Variants in NTRK2 observed in about 807,000 individuals in gnomAD.
NTRK2 encodes neurotrophic receptor tyrosine kinase 2, also known as BDNF/NT-3 growth factors receptor.
Under a neutral mutation model 94.5 loss-of-function variants are expected in NTRK2, and 13 were observed. The observed-to-expected ratio is 0.14, with a 90% CI of 0.09 to 0.22. NTRK2 has a LOEUF of 0.22. NTRK2 is among the 10% of genes least tolerant of loss of function. The probability of loss-of-function intolerance (pLI) is 1.00; values close to 1 mark genes in which losing one functional copy is unlikely to be tolerated. For synonymous variants in NTRK2, 372 were observed against 407.4 expected, an observed-to-expected ratio of 0.91 and a Z score of 1.05; for missense variants, 639 against 1,071.2, an observed-to-expected ratio of 0.60 and a Z score of 5.63.
intron 14 of NTRK2, among the ~76,000 whole-genome samples, chr9:84,891,071 C>T (rs1219135008): frequency 6.6e-6 from 1 of 152,114 alleles, no homozygotes; most frequent in Non-Finnish European, 1.5e-5. Context: ...TTTACTTCAC[C>T]GTGTGCTGTC....
chr9:84,706,514 ATTTTTTGTTTTTGTTT>A (rs906679317), intron 4 of NTRK2, among the ~76,000 whole-genome samples: 5 of 68,546 alleles, frequency 7.3e-5, no homozygotes, highest in African/African-American at 2.7e-4. Context: ...CATGTGTGTT[ATTTTTTGTTTTTGTTT>A]TTTTTTTTTT....
chr9:84,956,409 C>T (rs376540732), intron 17 of NTRK2, among the ~76,000 whole-genome samples: 68 of 152,232 alleles, frequency 4.5e-4, no homozygotes, highest in African/African-American at 1.3e-3. Context: ...TTTTGGAACT[C>T]GGACATGAGA....
chr9:84,694,621 G>A (rs1355938532), intron 2 of NTRK2, among the ~76,000 whole-genome samples: 2 of 152,136 alleles, frequency 1.3e-5, no homozygotes, highest in African/African-American at 4.8e-5. Flanking sequence ...AAACTGGCTA[G>A]CTGTGAACCC....
At chr9:84,906,360 A>G (rs1472712694) in intron 14 of NTRK2, among the ~76,000 whole-genome samples, 1 of 152,226 alleles carries the variant, frequency 6.6e-6, no homozygotes, top group Admixed American at 6.5e-5. Context: ...CAGAGAGGTC[A>G]GAGAAGGTGG....
At chr9:84,908,876 A>G (rs1172792884) in intron 14 of NTRK2, among the ~76,000 whole-genome samples, 1 of 152,332 alleles carries the variant, frequency 6.6e-6, no homozygotes. Context: ...TCTGCTTTGA[A>G]GGAATTGTAG....
At chr9:84,744,270 C>A (rs780758399) in intron 10 of NTRK2, among the ~76,000 whole-genome samples, 16 of 152,158 alleles carry the variant, frequency 1.1e-4, no homozygotes, top group Non-Finnish European at 1.8e-4. Flanking sequence ...ACTGCATTTG[C>A]GACTTGGTGA....
At chr9:84,980,370 A>G (rs767928584) in intron 17 of NTRK2, among the ~76,000 whole-genome samples, 6 of 152,170 alleles carry the variant, frequency 3.9e-5, no homozygotes, top group Non-Finnish European at 7.3e-5. Flanking sequence ...TTACTTACTT[A>G]GGATAAGTTC....
At chr9:84,813,257 G>T in intron 12 of NTRK2, 3 of 1,040,682 alleles carry the variant, frequency 2.9e-6, no homozygotes, top group Non-Finnish European at 2.3e-6. Flanking sequence ...GTCCCCAGCC[G>T]CAGCCAACTG....
intron 12 of NTRK2, among the ~76,000 whole-genome samples, chr9:84,768,921 G>C (rs139196843): frequency 2.0e-5 from 3 of 152,114 alleles, no homozygotes; most frequent in African/African-American, 7.2e-5. Flanking sequence ...CATCCCCTGC[G>C]GGACAGTAGA....
chr9:84,809,436 T>C (rs1453582556), intron 12 of NTRK2, among the ~76,000 whole-genome samples: 1 of 148,592 alleles, frequency 6.7e-6, no homozygotes, highest in Non-Finnish European at 1.5e-5. Context: ...ACATATACTA[T>C]ATGTCTTATA....
At position 84,735,131 on chromosome 9, in the gene NTRK2, T is replaced by C. The variant is rs75865339; in HGVS notation, c.1160-6761T>C. Among the ~76,000 whole-genome samples the C allele has an allele frequency of 9.7e-3, 1,470 of 152,194 alleles. 20 individuals carry two copies. The highest frequency in any genetic ancestry group is 0.034 in the African/African-American group (1,397 of 41,516). Reference sequence around the variant, plus strand: ...TCATTTTTTTGCTGAGTGCAGTGGATCCCTTGAGGCTGGGAGTTCCAGGCC... The same window carrying C: ...TCATTTTTTTGCTGAGTGCAGTGGACCCCTTGAGGCTGGGAGTTCCAGGCC... On this transcript the variant is annotated intron_variant, in intron 9 of 18. Transcript: ENST00000277120.
At chr9:84,756,504 C>T (rs1252562568) in intron 12 of NTRK2, among the ~76,000 whole-genome samples, 6 of 152,312 alleles carry the variant, frequency 3.9e-5, no homozygotes, top group African/African-American at 1.4e-4. Flanking sequence ...GGGAGCTTGG[C>T]ATTCATCACC....
intron 17 of NTRK2, among the ~76,000 whole-genome samples, chr9:84,997,351 G>A (rs1829874690): frequency 6.6e-6 from 1 of 152,084 alleles, no homozygotes; most frequent in South Asian, 2.1e-4. Flanking sequence ...GCCCAGAAAT[G>A]AGGAGTCTTA....
At chr9:84,936,577 A>C (rs1263418835) in intron 15 of NTRK2, among the ~76,000 whole-genome samples, 6 of 152,222 alleles carry the variant, frequency 3.9e-5, no homozygotes, top group Non-Finnish European at 7.3e-5. Flanking sequence ...CCTAGGGCCT[A>C]GTCTTCACAT....
intron 15 of NTRK2, among the ~76,000 whole-genome samples, chr9:84,946,013 G>A (rs2078588459): frequency 6.6e-6 from 1 of 152,200 alleles, no homozygotes; most frequent in South Asian, 2.1e-4. Context: ...GGTCAGGCAT[G>A]TCCCCACAGG....
intron 12 of NTRK2, among the ~76,000 whole-genome samples, chr9:84,780,754 A>T (rs1403942551): frequency 2.6e-5 from 4 of 152,224 alleles, no homozygotes; most frequent in African/African-American, 9.6e-5. Flanking sequence ...ACTGGTCCAT[A>T]GTTCCTACTT....
At chr9:84,765,603 T>C (rs2065953376) in intron 12 of NTRK2, among the ~76,000 whole-genome samples, 1 of 152,192 alleles carries the variant, frequency 6.6e-6, no homozygotes, top group African/African-American at 2.4e-5. Flanking sequence ...TGTTTTCTGC[T>C]GTGAAACTAA....
At chr9:84,946,201 CT>C (rs1265150254) in intron 15 of NTRK2, among the ~76,000 whole-genome samples, 2 of 152,320 alleles carry the variant, frequency 1.3e-5, no homozygotes, top group Admixed American at 1.3e-4. Context: ...GCCATCTAAC[CT>C]TAATGACTGA....
chr9:84,813,957 C>T, intron 12 of NTRK2: 1 of 1,065,440 alleles, frequency 9.4e-7, no homozygotes, highest in Non-Finnish European at 1.1e-6. Flanking sequence ...CCACCGTCAT[C>T]ACATGAGACA....
Sources: gnomAD v4.1 joint callset for allele counts (sites outside exome capture counted in the v4.1 genomes callset) on GRCh38, gnomAD v4.1.1 for gene constraint, MANE v1.5 for transcripts, NCBI Gene and HGNC (gene_info 2026-07-23, HGNC 2026-07-21) for gene names.